The following RBFOX1 variants were observed in gnomAD, a reference collection of about 807,000 sequenced individuals.
The protein encoded by RBFOX1 is RNA binding protein fox-1 homolog 1.
RBFOX1 carries 8 observed loss-of-function variants against 57.7 expected under a neutral mutation model. The ratio of observed to expected loss-of-function variants is 0.14; its 90% CI spans 0.08 to 0.25. RBFOX1 has a LOEUF of 0.25. Ranked by LOEUF, RBFOX1 falls within the 10% of genes least tolerant of loss-of-function variation. RBFOX1 has a pLI of 1.00. For missense variants in RBFOX1, 611 were observed against 548.5 expected (o/e 1.11, Z -1.14); for synonymous variants, 326 against 222.4 (o/e 1.47, Z -4.15).
intron 1 of RBFOX1, among the ~76,000 whole-genome samples, chr16:6,206,640 T>C (rs2097257238): frequency 6.6e-6 from 1 of 152,186 alleles, no homozygotes; most frequent in Non-Finnish European, 1.5e-5. Context: ...ACTTTTCATT[T>C]TGAAATAATT....
chr16:7,435,158 C>T (rs2098712126), intron 4 of RBFOX1, among the ~76,000 whole-genome samples: 2 of 152,148 alleles, frequency 1.3e-5, no homozygotes, highest in African/African-American at 2.4e-5. Flanking sequence ...TCCAGGATGT[C>T]ACATTACAAT....
At chr16:6,674,408 G>C (rs1476615827) in intron 3 of RBFOX1, among the ~76,000 whole-genome samples, 1 of 151,766 alleles carries the variant, frequency 6.6e-6, no homozygotes, top group Non-Finnish European at 1.5e-5. Flanking sequence ...CTCAACCTCC[G>C]CCTCCTGGGT....
chr16:5,709,992 C>A (rs969540979), intron 3 of RBFOX1, among the ~76,000 whole-genome samples: 1 of 149,954 alleles, frequency 6.7e-6, no homozygotes, highest in African/African-American at 2.5e-5. Flanking sequence ...GTCTCTAACT[C>A]AGGCGCATTG....
At chr16:7,211,827 C>A (rs769714229) in intron 4 of RBFOX1, among the ~76,000 whole-genome samples, 1 of 152,134 alleles carries the variant, frequency 6.6e-6, no homozygotes, top group Non-Finnish European at 1.5e-5. Flanking sequence ...GTTTATCCCC[C>A]GCCCTTAGCA....
chr16:6,492,892 A>T (rs547909868), intron 2 of RBFOX1, among the ~76,000 whole-genome samples: 2 of 152,232 alleles, frequency 1.3e-5, no homozygotes, highest in Admixed American at 1.3e-4. Context: ...ATTGTTTTAC[A>T]TAGAGGGCAA....
chr16:5,973,229 G>T (rs972202685), intron 4 of RBFOX1, among the ~76,000 whole-genome samples: 1 of 152,190 alleles, frequency 6.6e-6, no homozygotes, highest in African/African-American at 2.4e-5. Context: ...AAAGAAGGAG[G>T]TATTGGAAAA....
chr16:6,256,311 A>G (rs139700155), intron 1 of RBFOX1, among the ~76,000 whole-genome samples: 4,294 of 136,504 alleles, frequency 0.031, 113 homozygotes, highest in Non-Finnish European at 0.049. Context: ...ATATATATAT[A>G]TGTATATATA....
chr16:6,702,910 A>T (rs1053281535), intron 3 of RBFOX1, among the ~76,000 whole-genome samples: 1 of 152,152 alleles, frequency 6.6e-6, no homozygotes, highest in Non-Finnish European at 1.5e-5. Flanking sequence ...TACCTATGAG[A>T]CATTAACTCC....
intron 1 of RBFOX1, among the ~76,000 whole-genome samples, chr16:6,218,715 G>A (rs1379640871): frequency 2.0e-5 from 3 of 152,100 alleles, no homozygotes; most frequent in Non-Finnish European, 4.4e-5. Context: ...ATTTGTGTCC[G>A]TGGAATTAAA....
At chr16:5,495,165 C>T (rs1369083470) in intron 2 of RBFOX1, among the ~76,000 whole-genome samples, 1 of 152,182 alleles carries the variant, frequency 6.6e-6, no homozygotes, top group Non-Finnish European at 1.5e-5. Flanking sequence ...GCAGGCACAT[C>T]TTTACACGGC....
intron 4 of RBFOX1, among the ~76,000 whole-genome samples, chr16:7,362,499 A>G (rs2097347345): frequency 6.9e-6 from 1 of 145,974 alleles, no homozygotes; most frequent in Non-Finnish European, 1.5e-5. Context: ...ATATGTTAGT[A>G]TGTGCATGTT....
chr16:5,596,256 G>A (rs906446817), intron 2 of RBFOX1, among the ~76,000 whole-genome samples: 2 of 152,130 alleles, frequency 1.3e-5, no homozygotes, highest in Non-Finnish European at 2.9e-5. Context: ...CTATTTCCAG[G>A]CTCTGGGATA....
intron 1 of RBFOX1, chr16:5,260,541 T>C (rs551669319): frequency 7.0e-4 from 107 of 152,334 alleles, no homozygotes; most frequent in African/African-American, 2.4e-3. Context: ...AAAAATCAGT[T>C]TCTAGAACAT....
Position 5,302,493 on chromosome 16 carries a change from A to G in RBFOX1, c.219+62388A>G, listed in dbSNP as rs557323310. 7.9e-5 allele frequency among the ~76,000 whole-genome samples: 12 copies of G among 152,260 alleles called. No individual in the cohort carries two copies. In the South Asian group the frequency reaches 2.3e-3, roughly 29 times the overall value. On this transcript the variant is annotated intron_variant, in intron 1 of 2. Transcript: ENST00000585867. Reference sequence around the variant, plus strand: ...CATTCAAATTTAATATATGCCTACTAATTTTTTCTGGTTGCTTTATCAGTT... The same window carrying G: ...CATTCAAATTTAATATATGCCTACTGATTTTTTCTGGTTGCTTTATCAGTT...
At chr16:5,247,510 C>T (rs111909566) in intron 1 of RBFOX1, among the ~76,000 whole-genome samples, 2 of 152,170 alleles carry the variant, frequency 1.3e-5, no homozygotes, top group Admixed American at 1.3e-4. Context: ...AGCTGCTGGT[C>T]TACAAGATGG....
chr16:6,292,717 A>C lies in RBFOX1; in HGVS notation c.-126-24278A>C, dbSNP rs377238754. Among the ~76,000 whole-genome samples, 121 of 152,288 alleles carry C rather than the reference A, an allele frequency of 7.9e-4. 3 individuals carry two copies. In the South Asian group the frequency reaches 0.024, roughly 31 times the overall value. On this transcript the variant is annotated intron_variant, in intron 1 of 15. Transcript: ENST00000550418. ...CACATTGTCAAAAAGTCATTGAACTATCTATTGCTGGTGACTGCACACATC... is the reference window on the plus strand; with the variant it reads ...CACATTGTCAAAAAGTCATTGAACTCTCTATTGCTGGTGACTGCACACATC...
intron 3 of RBFOX1, among the ~76,000 whole-genome samples, chr16:6,772,792 GTGCGTA>G (rs2078549525): frequency 6.7e-6 from 1 of 150,152 alleles, no homozygotes; most frequent in Admixed American, 6.6e-5. Context: ...GTGCATTTGT[GTGCGTA>G]TGTGTGGGCC....
intron 4 of RBFOX1, among the ~76,000 whole-genome samples, chr16:5,903,615 A>G (rs1394784441): frequency 6.6e-6 from 1 of 152,192 alleles, no homozygotes; most frequent in Non-Finnish European, 1.5e-5. Context: ...TGCCCCCATT[A>G]GACCTATGAG....
At chr16:7,183,813 G>C (rs1006689772) in intron 4 of RBFOX1, among the ~76,000 whole-genome samples, 1 of 152,196 alleles carries the variant, frequency 6.6e-6, no homozygotes, top group Admixed American at 6.5e-5. Flanking sequence ...GCTATTTAAT[G>C]CCTCCTATTG....
Sources: gnomAD v4.1 joint callset for allele counts (sites outside exome capture counted in the v4.1 genomes callset) on GRCh38, gnomAD v4.1.1 for gene constraint, MANE v1.5 for transcripts, NCBI Gene and HGNC (gene_info 2026-07-23, HGNC 2026-07-21) for gene names.